The following RPH3A variants were observed in gnomAD, a reference collection of about 807,000 sequenced individuals.
The protein encoded by RPH3A is rabphilin-3A.
RPH3A carries 48 observed loss-of-function variants against 102.2 expected under a neutral mutation model. That is an observed-to-expected ratio of 0.47 (90% CI 0.37 to 0.60). RPH3A has a LOEUF of 0.60. Ranked by LOEUF, RPH3A falls within the 20% of genes least tolerant of loss-of-function variation. RPH3A has a pLI of 0.00. For missense variants in RPH3A, 781 were observed against 910.1 expected (o/e 0.86, Z 1.83); for synonymous variants, 310 against 324.3 (o/e 0.96, Z 0.47).
At chr12:112,581,882 A>G in intron 1 of RPH3A, among the ~76,000 whole-genome samples, 1 of 147,870 alleles carries the variant, frequency 6.8e-6, no homozygotes, top group East Asian at 1.9e-4. Flanking sequence ...CTCTGGGCTT[A>G]GTTTCTTTTT....
intron 1 of RPH3A, among the ~76,000 whole-genome samples, chr12:112,777,812 C>G (rs2040979014): frequency 6.6e-6 from 1 of 152,226 alleles, no homozygotes; most frequent in Admixed American, 6.5e-5. Flanking sequence ...GTCTTGCTCA[C>G]AATACCGCAG....
intron 2 of RPH3A, among the ~76,000 whole-genome samples, chr12:112,820,002 T>C (rs1014557646): frequency 6.6e-6 from 1 of 152,170 alleles, no homozygotes; most frequent in African/African-American, 2.4e-5. Context: ...CACCTCTGGA[T>C]GGTAGGAGCT....
At chr12:112,681,319 C>T (rs1482091207) in intron 1 of RPH3A, among the ~76,000 whole-genome samples, 1 of 152,220 alleles carries the variant, frequency 6.6e-6, no homozygotes, top group Non-Finnish European at 1.5e-5. Context: ...TTCAGATGTG[C>T]CCCTGCAGGT....
At chr12:112,732,298 C>T (rs1433639975) in intron 1 of RPH3A, among the ~76,000 whole-genome samples, 1 of 152,180 alleles carries the variant, frequency 6.6e-6, no homozygotes, top group Non-Finnish European at 1.5e-5. Flanking sequence ...AGGATGAACA[C>T]GCTCATTTCC....
intron 1 of RPH3A, among the ~76,000 whole-genome samples, chr12:112,653,860 C>T (rs1019074447): frequency 3.3e-5 from 5 of 152,106 alleles, no homozygotes; most frequent in Admixed American, 2.0e-4. Flanking sequence ...ATTCTATAAG[C>T]TTTTTTAATT....
At chr12:112,779,947 G>C (rs2040995760) in intron 1 of RPH3A, among the ~76,000 whole-genome samples, 1 of 152,176 alleles carries the variant, frequency 6.6e-6, no homozygotes, top group Non-Finnish European at 1.5e-5. Flanking sequence ...GCAGTGATTG[G>C]AGTGAAGCAG....
chr12:112,798,342 C>T (rs1200018587), intron 2 of RPH3A, among the ~76,000 whole-genome samples: 3 of 152,216 alleles, frequency 2.0e-5, no homozygotes, highest in Admixed American at 6.5e-5. Flanking sequence ...GAAATATCTT[C>T]TCATCTCTCA....
chr12:112,862,427 TA>T (rs1333884581), intron 5 of RPH3A, among the ~76,000 whole-genome samples: 1 of 152,148 alleles, frequency 6.6e-6, no homozygotes, highest in Non-Finnish European at 1.5e-5. Context: ...TAACACTACA[TA>T]AATAAAATGA....
intron 1 of RPH3A, among the ~76,000 whole-genome samples, chr12:112,585,324 C>G (rs2039430972): frequency 6.6e-6 from 1 of 152,206 alleles, no homozygotes; most frequent in Non-Finnish European, 1.5e-5. Flanking sequence ...ATCCTTCAAT[C>G]CAAGTCAGTT....
rs181223577 is a variant in RPH3A at position 112,701,396 on chromosome 12, C to G, written c.-139-90747C>G. On this transcript the variant is annotated intron_variant, in intron 1 of 21. Transcript: ENST00000543106. ...TGTAATGCTTATTATCTTTTATCCA[C>G]AGGACAACCATAGGAGAGAGGGAAT... 2.8e-3 allele frequency among the ~76,000 whole-genome samples: 426 copies of G among 152,306 alleles called. 1 individual carries two copies. The highest frequency in any genetic ancestry group is 9.6e-3 in the African/African-American group (398 of 41,570).
intron 1 of RPH3A, among the ~76,000 whole-genome samples, chr12:112,687,829 C>T (rs1284333508): frequency 6.6e-6 from 1 of 152,170 alleles, no homozygotes; most frequent in Non-Finnish European, 1.5e-5. Context: ...CCAGAGTTAG[C>T]AAGAAGTTCC....
intron 1 of RPH3A, among the ~76,000 whole-genome samples, chr12:112,775,999 A>G (rs1461889412): frequency 6.6e-6 from 1 of 152,104 alleles, no homozygotes; most frequent in Non-Finnish European, 1.5e-5. Flanking sequence ...AAATGAAAGG[A>G]AAGAGGATTT....
chr12:112,825,347 A>T (rs903940336), intron 2 of RPH3A, among the ~76,000 whole-genome samples: 1 of 152,146 alleles, frequency 6.6e-6, no homozygotes, highest in Non-Finnish European at 1.5e-5. Context: ...TTTCTCACAC[A>T]CAAAGATTGA....
At chr12:112,818,426 C>A (rs1375538781) in intron 2 of RPH3A, among the ~76,000 whole-genome samples, 1 of 151,814 alleles carries the variant, frequency 6.6e-6, no homozygotes, top group African/African-American at 2.4e-5. Flanking sequence ...ATTCCAACAG[C>A]ATCATCAGGA....
chr12:112,697,370 A>G (rs1285955267), intron 1 of RPH3A, among the ~76,000 whole-genome samples: 1 of 152,218 alleles, frequency 6.6e-6, no homozygotes, highest in Admixed American at 6.5e-5. Flanking sequence ...ACTATTTATG[A>G]TAGTACCAAG....
intron 5 of RPH3A, among the ~76,000 whole-genome samples, chr12:112,852,702 A>G (rs1343531243): frequency 1.3e-5 from 2 of 152,268 alleles, no homozygotes; most frequent in Admixed American, 1.3e-4. Flanking sequence ...ACTTCTCCTG[A>G]GCATAAAAGG....
rs12322153 is a variant in RPH3A at position 112,870,265 on chromosome 12, T to G, written c.796+226T>G. Among the ~76,000 whole-genome samples the G allele has an allele frequency of 6.9e-3, 1,029 of 148,662 alleles. 13 individuals carry two copies. The highest frequency in any genetic ancestry group is 0.025 in the African/African-American group (1,001 of 39,906). ...AATTTTGGTTAGATCCTTTTCTTGC[T>G]GTAATACCATATGTCAGAAAGCATG... On this transcript the variant is annotated intron_variant, in intron 10 of 21. Coordinates refer to ENST00000389385, the MANE Select transcript of RPH3A (RefSeq NM_001143854.2).
At chr12:112,874,148 A>G (rs1250848637) in intron 10 of RPH3A, 1 of 152,272 alleles carries the variant, frequency 6.6e-6, no homozygotes, top group Non-Finnish European at 1.5e-5. Context: ...GATGGCATCT[A>G]GCCCAGTGAG....
intron 21 of RPH3A, among the ~76,000 whole-genome samples, chr12:112,896,196 T>C (rs906428945): frequency 7.9e-5 from 12 of 152,366 alleles, no homozygotes; most frequent in Non-Finnish European, 1.5e-4. Flanking sequence ...AAATTTTTAA[T>C]TTTTTAGTTC....
Sources: allele counts gnomAD v4.1 joint callset (sites outside exome capture counted in the v4.1 genomes callset), GRCh38; gene constraint gnomAD v4.1.1; transcripts MANE v1.5; gene names NCBI Gene and HGNC (gene_info 2026-07-23, HGNC 2026-07-21).